SBF1: variants seen among roughly 807,000 people sequenced by gnomAD.
SBF1 encodes SET binding factor 1.
SBF1 carries 65 observed loss-of-function variants against 215.8 expected under a neutral mutation model. The observed-to-expected ratio is 0.30, with a 90% CI of 0.25 to 0.37. The LOEUF (loss-of-function observed/expected upper bound fraction) is 0.37, where lower values mean the gene tolerates loss of function less well. Among genes scored for constraint, SBF1 ranks in the 10% least tolerant of loss-of-function variants. SBF1 has a pLI of 1.00. For synonymous variants in SBF1, 1,410 were observed against 1,122.8 expected (o/e 1.26, Z -5.11); for missense variants, 2,634 against 2,667.8 (o/e 0.99, Z 0.28).
At chr22:50,458,743 C>A (rs1396693448) in intron 28 of SBF1, among the ~76,000 whole-genome samples, 1 of 152,140 alleles carries the variant, frequency 6.6e-6, no homozygotes, top group Non-Finnish European at 1.5e-5. Context: ...ACAGCAAGGC[C>A]AGCTCGGGCA....
rs2068129181 is a variant in SBF1, at chr22:50,475,014, T to G, written c.-174A>C. On this transcript the variant is annotated 5_prime_UTR_variant, in exon 1 of 41. Coordinates refer to ENST00000380817, the MANE Select transcript of SBF1 (RefSeq NM_002972.4). ...GGCGGCCCAGGTTCCCGCCGCCATC[T>G]TCCCAGCCAGCCGGCCCGCCCGGGC... 2 of 214,174 alleles carry G rather than the reference T, an allele frequency of 9.3e-6. No individual in the cohort carries two copies. The highest frequency in any genetic ancestry group is 2.4e-5 in the African/African-American group (1 of 42,236). 13.3% of individuals were successfully genotyped at this position (214,174 alleles called of 1,614,324 possible).
At chr22:50,456,451 G>A (rs751790349) in intron 30 of SBF1, 41 bp downstream of exon 30, 53 of 1,523,396 alleles carry the variant, frequency 3.5e-5, no homozygotes, top group East Asian at 4.8e-5. Context: ...GCCCCCTGCC[G>A]AGCCCCCACC....
At chr22:50,463,204 C>T (rs1433417880) in intron 16 of SBF1, 79 bp downstream of exon 16, 10 of 1,561,068 alleles carry the variant, frequency 6.4e-6, no homozygotes, top group Non-Finnish European at 7.0e-6. Context: ...TCTCCACTCT[C>T]ACTCACAGAC....
rs757557527 is a variant in SBF1 at position 50,454,905 on chromosome 22, A to G, written c.4721T>C (p.Val1574Ala). The change falls in exon 35 of 41, where the codon GTG (valine) becomes GCG (alanine). Residue 1574 changes from valine (V) to alanine (A), a missense_variant. By Grantham distance (64) the Val-to-Ala change is moderately conservative. Transcript: ENST00000380817. Reference sequence around the variant, plus strand: ...ATACTCCCACACAGACCTGCACGGCACCTGGCCCCTGCGTTCCCCCTTCTC... The same window carrying G: ...ATACTCCCACACAGACCTGCACGGCGCCTGGCCCCTGCGTTCCCCCTTCTC... The part of the protein sequence containing the change: ...YEEKGERRGQ[V>A]PCRSVWEYVD... The G allele has an allele frequency of 3.1e-6, 5 of 1,613,912 alleles. No homozygotes were observed. The Admixed American group carries it at 8.3e-5, about 27-fold the overall frequency.
chr22:50,453,933 A>C (rs1425438436), intron 36 of SBF1, among the ~76,000 whole-genome samples: 1 of 152,050 alleles, frequency 6.6e-6, no homozygotes, highest in Admixed American at 6.6e-5. Flanking sequence ...AAAAGGTAGC[A>C]CCACGCGCAG....
chr22:50,454,851 A>G lies in SBF1; in HGVS notation c.4775T>C (p.Val1592Ala). ...GGGCGCATACATGTAATTGTGGAAC[A>G]CAGGCGTCCTCTTGCTCAGCCGGTC... ...YVDRLSKRTP[V>A]FHNYMYAPED... Residue 1592 changes from valine to alanine, a missense_variant, in exon 35 of 41, where the codon GTG becomes GCG. Physicochemically the swap from Val to Ala is moderately conservative, Grantham distance 64. Coordinates refer to ENST00000380817, the MANE Select transcript of SBF1 (RefSeq NM_002972.4). 3 of 1,614,060 alleles carry G rather than the reference A, an allele frequency of 1.9e-6. No individual in the cohort carries two copies. The highest frequency in any genetic ancestry group is 1.3e-5 in the African/African-American group (1 of 75,048).
chr22:50,449,547 G>T (rs541340397), intron 36 of SBF1, among the ~76,000 whole-genome samples: 1 of 151,220 alleles, frequency 6.6e-6, no homozygotes. Context: ...CTCAGGGGGC[G>T]GAAGTTGCAG....
chr22:50,457,799 T>C (rs1428360586), intron 28 of SBF1, among the ~76,000 whole-genome samples: 1 of 152,176 alleles, frequency 6.6e-6, no homozygotes, highest in East Asian at 1.9e-4. Flanking sequence ...CTGCCCAGGC[T>C]CACCTGCTTC....
At chr22:50,457,324 GGCA>G in intron 28 of SBF1, 1 of 441,888 alleles carries the variant, frequency 2.3e-6, no homozygotes, top group Non-Finnish European at 4.0e-6. Context: ...AGCACTCCGT[GGCA>G]GCAGAAGGGC....
At chr22:50,455,677 G>T in intron 31 of SBF1, 95 bp from the exon 32 acceptor site, 2 of 1,033,880 alleles carry the variant, frequency 1.9e-6, no homozygotes, top group Non-Finnish European at 1.5e-6. Flanking sequence ...CAGGCAGCGG[G>T]GAGGCAGGCC....
Position 50,464,838 on chromosome 22 carries a change from G to A in SBF1, c.1412C>T (p.Ala471Val). 6.2e-7 allele frequency: 1 copy of A among 1,613,674 alleles called. No homozygotes were observed. The highest frequency in any genetic ancestry group is 8.5e-7 in the Non-Finnish European group (1 of 1,180,012). ...QRVLRHVQEL[A>V]EQLYKNENPY... is the part of the protein sequence containing the mutation. ...TCGTACGTTCTTGTAGAGCTGCTCT[G>A]CCAGTTCCTGGACGTGACGCAGGAC... Residue 471 changes from alanine (A) to valine (V), a missense_variant, in exon 13 of 41, where the codon GCA becomes GTA. Ala to Val is a moderately conservative substitution (Grantham distance 64). Coordinates refer to ENST00000380817, the MANE Select transcript of SBF1 (RefSeq NM_002972.4).
chr22:50,450,455 A>G (rs2067002469), intron 36 of SBF1, among the ~76,000 whole-genome samples: 1 of 151,606 alleles, frequency 6.6e-6, no homozygotes, highest in Admixed American at 6.6e-5. Flanking sequence ...TGGGAAGTGG[A>G]GGCTGCAGTG....
At chr22:50,454,409 G>C in intron 36 of SBF1, 103 bp downstream of exon 36, 2 of 1,024,360 alleles carry the variant, frequency 2.0e-6, no homozygotes, top group Non-Finnish European at 3.0e-6. Context: ...AGGGGTAACC[G>C]GACTTACGTG....
intron 1 of SBF1, among the ~76,000 whole-genome samples, chr22:50,473,722 A>C (rs1202284446): frequency 6.6e-6 from 1 of 152,172 alleles, no homozygotes; most frequent in Non-Finnish European, 1.5e-5. Flanking sequence ...GTAACTGGGA[A>C]GGCAAGCTCA....
chr22:50,447,050 G>T lies in SBF1; in HGVS notation c.*92C>A. ...GGCTCGGGGCCTCAATACTGTCGAGGGCCGGGGCTGTAAACATGGCCGGGG... is the reference window on the plus strand; with the variant it reads ...GGCTCGGGGCCTCAATACTGTCGAGTGCCGGGGCTGTAAACATGGCCGGGG... On this transcript the variant is annotated 3_prime_UTR_variant, in exon 41 of 41. Transcript: ENST00000380817. The T allele has an allele frequency of 8.6e-7, 1 of 1,160,148 alleles. No homozygotes were observed. The highest frequency in any genetic ancestry group is 1.2e-6 in the Non-Finnish European group (1 of 801,300). 71.9% of individuals were successfully genotyped at this position (1,160,148 alleles called of 1,614,324 possible). A position where few individuals can be genotyped will look rare whatever the true frequency, so the allele number is the denominator to read the frequency against.
At position 50,461,627 on chromosome 22, in the gene SBF1, C is replaced by T; in HGVS notation, c.2735G>A (p.Gly912Asp). The stretch of plus-strand genomic sequence containing the variant: ...TGGTCCCCCAGCACTGCCCCCCGCG[C>T]CCTCCTCACGCCCATCCGGCAGCAG... ...VYLLPDGREE[G>D]AGGSAGGPAL... Residue 912 changes from glycine to aspartate, a missense_variant, in exon 22 of 41, where the codon GGC (glycine) becomes GAC (aspartate). Coordinates refer to ENST00000380817, the MANE Select transcript of SBF1 (RefSeq NM_002972.4). 6.2e-7 allele frequency: 1 copy of T among 1,611,512 alleles called. No individual in the cohort carries two copies. Among genetic ancestry groups the T allele is most frequent in the Non-Finnish European group, 8.5e-7 (1 of 1,179,770 alleles).
intron 28 of SBF1, among the ~76,000 whole-genome samples, chr22:50,458,931 G>A (rs2067377423): frequency 1.3e-5 from 2 of 152,244 alleles, no homozygotes; most frequent in Admixed American, 6.5e-5. Context: ...TTTCCAGGCT[G>A]TGGGAAATGG....
Position 50,447,338 on chromosome 22 carries a change from T to A in SBF1, c.5567A>T (p.Glu1856Val). 6.2e-7 allele frequency: 1 copy of A among 1,613,968 alleles called. No individual in the cohort carries two copies. Among genetic ancestry groups the A allele is most frequent in the Non-Finnish European group, 8.5e-7 (1 of 1,179,954 alleles). The change falls in exon 40 of 41, where the codon GAG becomes GTG. Residue 1856 changes from glutamate (E) to valine (V), a missense_variant. Glu to Val is a moderately radical substitution (Grantham distance 121). Coordinates refer to ENST00000380817, the MANE Select transcript of SBF1 (RefSeq NM_002972.4). ...AAGGCTCACGTCAAAGAAGGCCTTC[T>A]CGTCCACAGTCTTAGGGGCACCCAT... ...PTMGAPKTVD[E>V]KAFFDVKTTR...
Position 50,465,013 on chromosome 22 carries a change from G to A in SBF1, c.1320C>T (p.Asp440=), listed in dbSNP as rs2067687901. ...SERGVPYRPT[D]LFDELVAHEV... ...GGTGGAGGTGCACCTCATCGAACAG[G>A]TCCGTAGGGCGGTATGGGACCCCAC... The change falls in exon 12 of 41, where the codon GAC becomes GAT. Residue 440 remains aspartate, a synonymous_variant. Transcript: ENST00000380817. 2 of 1,613,982 alleles carry A rather than the reference G, an allele frequency of 1.2e-6. No homozygotes were observed. Among genetic ancestry groups the A allele is most frequent in the Non-Finnish European group, 1.7e-6 (2 of 1,179,950 alleles).
Sources: gnomAD v4.1 joint callset for allele counts (sites outside exome capture counted in the v4.1 genomes callset) on GRCh38, gnomAD v4.1.1 for gene constraint, MANE v1.5 for transcripts, NCBI Gene and HGNC (gene_info 2026-07-23, HGNC 2026-07-21) for gene names.